PIGN: variants seen among roughly 807,000 people sequenced by gnomAD.
PIGN encodes the protein GPI ethanolamine phosphate transferase 1.
PIGN carries 117 observed loss-of-function variants against 125.4 expected under a neutral mutation model. That is an observed-to-expected ratio of 0.93 (90% confidence interval 0.80 to 1.09). PIGN has a LOEUF of 1.09. PIGN is among the 50% of genes least tolerant of loss of function. The pLI is 0.00. For missense variants in PIGN, 1,075 were observed against 1,094.9 expected, an observed-to-expected ratio of 0.98 and a Z score of 0.26; for synonymous variants, 392 against 377.8, an observed-to-expected ratio of 1.04 and a Z score of -0.44.
chr18:62,116,173 A>C (rs2035080002), intron 14 of PIGN, among the ~76,000 whole-genome samples: 1 of 152,222 alleles, frequency 6.6e-6, no homozygotes, highest in Non-Finnish European at 1.5e-5. Flanking sequence ...ACCTTCAGAT[A>C]CCACACATTT....
chr18:62,032,590 A>G (rs899772347), intron 23 of PIGN, among the ~76,000 whole-genome samples: 2 of 152,226 alleles, frequency 1.3e-5, no homozygotes, highest in Non-Finnish European at 2.9e-5. Context: ...GCATTTTCAG[A>G]AACAAAAATC....
Position 62,106,796 on chromosome 18 carries a change from C to A in PIGN, c.1760G>T (p.Arg587Leu). ...CAAAATGAGTACTCATACCTTTGCT[C>A]GAGTCCACAGCCGAGTGAGAAATGG... ...AWPFLTRLWT[R>L]AKMTSLSWTF... The change falls in exon 19 of 31, where the codon CGA becomes CTA. Residue 587 changes from arginine to leucine, a missense_variant. Around this residue, in one of 3 missense-constraint regions of PIGN, gnomAD observed 915 missense variants for 908.7 expected, o/e 1.01. Coordinates refer to ENST00000640252, the MANE Select transcript of PIGN (RefSeq NM_176787.5). 2 of 1,602,666 alleles carry A rather than the reference C, an allele frequency of 1.2e-6. No individual in the cohort carries two copies. Among genetic ancestry groups the A allele is most frequent in the Non-Finnish European group, 1.7e-6 (2 of 1,173,678 alleles).
chr18:62,147,829 A>G (rs1055798398), intron 8 of PIGN, among the ~76,000 whole-genome samples: 2 of 152,168 alleles, frequency 1.3e-5, no homozygotes, highest in African/African-American at 2.4e-5. Flanking sequence ...TACTAATTAA[A>G]GGGAATACAC....
intron 30 of PIGN, among the ~76,000 whole-genome samples, chr18:62,068,671 G>A (rs886618849): frequency 1.3e-5 from 2 of 152,102 alleles, no homozygotes; most frequent in Non-Finnish European, 2.9e-5. Flanking sequence ...ATCTGAGACT[G>A]CATGACCTCT....
chr18:62,124,637 G>A (rs571335961), intron 14 of PIGN, among the ~76,000 whole-genome samples: 3 of 152,296 alleles, frequency 2.0e-5, no homozygotes, highest in Admixed American at 1.3e-4. Flanking sequence ...TGCCTATGAG[G>A]AGAGATATGG....
chr18:62,178,998 T>C (rs2037623518), intron 1 of PIGN, among the ~76,000 whole-genome samples: 1 of 152,178 alleles, frequency 6.6e-6, no homozygotes, highest in African/African-American at 2.4e-5. Flanking sequence ...TTTCTCAGAC[T>C]TTGCTTGTTT....
chr18:62,128,135 A>T (rs2035604981), intron 14 of PIGN, among the ~76,000 whole-genome samples: 1 of 152,200 alleles, frequency 6.6e-6, no homozygotes, highest in Non-Finnish European at 1.5e-5. Context: ...ATTTAAAAAT[A>T]TCATATATAA....
At chr18:62,113,571 ATG>A (rs1230825957) in intron 15 of PIGN, among the ~76,000 whole-genome samples, 1 of 152,156 alleles carries the variant, frequency 6.6e-6, no homozygotes, top group East Asian at 1.9e-4. Flanking sequence ...TGTGTTGTAT[ATG>A]TGTGTTTGTG....
intron 30 of PIGN, among the ~76,000 whole-genome samples, chr18:62,062,365 A>T (rs973965515): frequency 6.6e-6 from 1 of 152,200 alleles, no homozygotes; most frequent in Non-Finnish European, 1.5e-5. Flanking sequence ...GACAGATCTA[A>T]GGTTTCTTAT....
chr18:62,167,789 T>C (rs556485060), intron 1 of PIGN, among the ~76,000 whole-genome samples: 177 of 152,238 alleles, frequency 1.2e-3, no homozygotes, highest in Middle Eastern at 3.4e-3. Context: ...TTCCTGATGA[T>C]CAATGATCAT....
intron 15 of PIGN, among the ~76,000 whole-genome samples, chr18:62,114,084 G>A (rs938347532): frequency 4.6e-5 from 7 of 152,096 alleles, no homozygotes; most frequent in Non-Finnish European, 7.4e-5. Flanking sequence ...AATGTGGGCC[G>A]GGTGCGGTGG....
In PIGN at chr18:62,044,460, T is replaced by C. The variant is rs1008528653; in HGVS notation, c.*1396A>G. The stretch of plus-strand genomic sequence containing the variant: ...GCTTCTTAGTTGTCCAGCTAGATTT[T>C]ATGCTATGAACTGATGCATGAGATT... On this transcript the variant is annotated 3_prime_UTR_variant, in exon 31 of 31. Coordinates refer to ENST00000640252, the MANE Select transcript of PIGN (RefSeq NM_176787.5). The C allele has an allele frequency of 6.6e-6, 1 of 152,232 alleles. No homozygotes were observed. Among genetic ancestry groups the C allele is most frequent in the Admixed American group, 6.5e-5 (1 of 15,290 alleles). The allele number at this position is 152,232 out of a possible 1,614,324, so 9.4% of individuals were successfully genotyped here.
intron 30 of PIGN, chr18:62,070,384 A>G: frequency 2.5e-6 from 1 of 398,548 alleles, no homozygotes; most frequent in Non-Finnish European, 4.4e-6. Flanking sequence ...AGTACCTTTT[A>G]CGTACCAAGC....
chr18:62,180,714 T>C (rs186834852), intron 1 of PIGN, among the ~76,000 whole-genome samples: 6 of 152,300 alleles, frequency 3.9e-5, no homozygotes, highest in Non-Finnish European at 5.9e-5. Flanking sequence ...GACTTGTACA[T>C]TACAATTATA....
chr18:62,150,423 C>G (rs1465544583), intron 7 of PIGN, among the ~76,000 whole-genome samples: 1 of 152,184 alleles, frequency 6.6e-6, no homozygotes, highest in Non-Finnish European at 1.5e-5. Flanking sequence ...GGAGGGTTAT[C>G]TAAGTCGAAC....
intron 5 of PIGN, 33 bp from the exon 6 acceptor site, chr18:62,157,260 T>C: frequency 1.9e-6 from 2 of 1,040,216 alleles, no homozygotes; most frequent in South Asian, 1.4e-5. Context: ...AATAGTTATA[T>C]ACACATGGTA....
Position 62,109,059 on chromosome 18 carries a change from G to C in PIGN, c.1574+775C>G, listed in dbSNP as rs192204279. Among the ~76,000 whole-genome samples, 34 of 152,244 alleles carry C rather than the reference G, an allele frequency of 2.2e-4. 1 individual carries two copies. The highest frequency in any genetic ancestry group is 6.7e-4 in the African/African-American group (28 of 41,554). ...TCTCATTCTTTCATTGACTTTAGGG[G>C]TCTGGTTTGCTCAGAAAATACTTTG... is the stretch of plus-strand genomic sequence containing the variant. On this transcript the variant is annotated intron_variant, in intron 17 of 30. Coordinates refer to ENST00000640252, the MANE Select transcript of PIGN (RefSeq NM_176787.5).
intron 3 of PIGN, among the ~76,000 whole-genome samples, chr18:62,161,754 A>G (rs12327015): frequency 0.068 from 10,414 of 152,260 alleles, 427 homozygotes; most frequent in Middle Eastern, 0.15. Flanking sequence ...CAAATCCTAC[A>G]AAAAGAAAAT....
intron 28 of PIGN, among the ~76,000 whole-genome samples, chr18:62,081,096 A>C (rs2033428308): frequency 6.6e-6 from 1 of 152,180 alleles, no homozygotes; most frequent in African/African-American, 2.4e-5. Context: ...AAGCAGAATC[A>C]TTTCACTGGT....
Sources: allele counts gnomAD v4.1 joint callset (sites outside exome capture counted in the v4.1 genomes callset), GRCh38; gene constraint gnomAD v4.1.1; regional missense constraint gnomAD v4.1.1; transcripts MANE v1.5; gene names NCBI Gene and HGNC (gene_info 2026-07-23, HGNC 2026-07-21).